Variants in ERBIN observed in about 807,000 individuals in gnomAD.
ERBIN encodes the protein densin-180-like protein.
In ERBIN, 60 loss-of-function variants were observed where a neutral mutation model predicts 158.4. The observed-to-expected ratio is 0.38, with a 90% CI of 0.31 to 0.47. ERBIN has a LOEUF of 0.47. Ranked by LOEUF, ERBIN falls within the 20% of genes least tolerant of loss-of-function variation. The pLI, the probability that ERBIN is intolerant of heterozygous loss-of-function variation, is 0.99. For synonymous variants in ERBIN, 594 were observed against 557.2 expected, an observed-to-expected ratio of 1.07 and a Z score of -0.93; for missense variants, 1,610 against 1,648.0, an observed-to-expected ratio of 0.98 and a Z score of 0.40.
At position 65,950,737 on chromosome 5, in the gene ERBIN, T is replaced by G. The variant is rs922669050; in HGVS notation, c.-58+23931T>G. On this transcript the variant is annotated intron_variant, in intron 1 of 25. Coordinates refer to ENST00000284037, the MANE Select transcript of ERBIN (RefSeq NM_001253697.2). Reference sequence around the variant, plus strand: ...CATATAGATATTTTCGGGGAGATACTTTGATACTATTTCTCCTTAAAGGTT... The same window carrying G: ...CATATAGATATTTTCGGGGAGATACGTTGATACTATTTCTCCTTAAAGGTT... Among the ~76,000 whole-genome samples, 125 of 152,300 alleles carry G rather than the reference T, an allele frequency of 8.2e-4. 1 individual carries two copies. Among genetic ancestry groups the G allele is most frequent in the Middle Eastern group, 3.4e-3 (1 of 294 alleles).
intron 4 of ERBIN, among the ~76,000 whole-genome samples, chr5:65,996,794 A>G (rs554153311): frequency 1.7e-4 from 26 of 151,884 alleles, no homozygotes; most frequent in African/African-American, 5.5e-4. Context: ...TGCTGCTTCA[A>G]TTTTTTTCAT....
chr5:66,070,777 AT>A (rs796999593), intron 21 of ERBIN, among the ~76,000 whole-genome samples: 17 of 152,366 alleles, frequency 1.1e-4, no homozygotes, highest in African/African-American at 3.8e-4. Flanking sequence ...CTAACTGCAC[AT>A]GATAGATGTG....
intron 21 of ERBIN, among the ~76,000 whole-genome samples, chr5:66,056,578 A>G (rs1759603129): frequency 6.6e-6 from 1 of 152,054 alleles, no homozygotes; most frequent in Admixed American, 6.6e-5. Context: ...ACATATTTTG[A>G]AATTCACGGT....
At chr5:66,047,303 C>T (rs577130512) in intron 18 of ERBIN, among the ~76,000 whole-genome samples, 27 of 152,196 alleles carry the variant, frequency 1.8e-4, no homozygotes, top group Admixed American at 3.3e-4. Context: ...CATATATCAA[C>T]ACAGCATCCA....
chr5:65,999,493 C>T (rs1752805252), intron 4 of ERBIN, among the ~76,000 whole-genome samples: 1 of 152,222 alleles, frequency 6.6e-6, no homozygotes, highest in African/African-American at 2.4e-5. Context: ...ATAACCACAA[C>T]ATCATTATCA....
chr5:65,997,514 AG>A (rs751086263), intron 4 of ERBIN, among the ~76,000 whole-genome samples: 23 of 152,232 alleles, frequency 1.5e-4, no homozygotes, highest in Non-Finnish European at 2.6e-4. Context: ...AGAAGGAGAG[AG>A]AAATCAGCCC....
Position 66,053,860 on chromosome 5 carries a change from G to A in ERBIN, c.2542G>A (p.Gly848Ser). 6.2e-7 allele frequency: 1 copy of A among 1,614,078 alleles called. No individual in the cohort carries two copies. Among genetic ancestry groups the A allele is most frequent in the Non-Finnish European group, 8.5e-7 (1 of 1,180,018 alleles). ...TGACAGTGATTGTTCTGTTGACTTAGGTATTTCCAAAAGCACTGAAGATCT... is the reference window on the plus strand; with the variant it reads ...TGACAGTGATTGTTCTGTTGACTTAAGTATTTCCAAAAGCACTGAAGATCT... ...PHDSDCSVDLGISKSTEDLSP... is the reference protein window; with the variant it reads ...PHDSDCSVDLSISKSTEDLSP... Residue 848 changes from glycine to serine, a missense_variant, in exon 21 of 26, where the codon GGT (glycine) becomes AGT (serine). Physicochemically the swap from Gly to Ser is moderately conservative, Grantham distance 56. This residue lies in a region of ERBIN where 1,014 missense variants were observed against 936.1 expected (regional missense o/e 1.08). Transcript: ENST00000284037.
intron 1 of ERBIN, among the ~76,000 whole-genome samples, chr5:65,957,261 C>T (rs1037098206): frequency 1.3e-4 from 20 of 150,386 alleles, no homozygotes; most frequent in African/African-American, 4.4e-4. Context: ...GGGTGTTTCT[C>T]GCAGAGGGGG....
At chr5:65,962,629 T>C (rs1300093733) in intron 1 of ERBIN, among the ~76,000 whole-genome samples, 1 of 152,184 alleles carries the variant, frequency 6.6e-6, no homozygotes, top group African/African-American at 2.4e-5. Flanking sequence ...TCTTAAATTA[T>C]TTTCCCCCTC....
intron 21 of ERBIN, among the ~76,000 whole-genome samples, chr5:66,056,699 A>T (rs569036263): frequency 6.6e-6 from 1 of 152,308 alleles, no homozygotes; most frequent in East Asian, 1.9e-4. Flanking sequence ...GAAAAGAAAC[A>T]GGGCAAACTG....
At chr5:65,995,191 G>A (rs991066012) in intron 4 of ERBIN, among the ~76,000 whole-genome samples, 1 of 151,972 alleles carries the variant, frequency 6.6e-6, no homozygotes, top group African/African-American at 2.4e-5. Flanking sequence ...TTTTAATTGC[G>A]GTCATCATGT....
rs1749373634 is a variant in ERBIN, at chr5:65,972,460, C to G, written c.-57-16175C>G. Among the ~76,000 whole-genome samples, 3 of 151,216 alleles carry G rather than the reference C, an allele frequency of 2.0e-5. 1 individual carries two copies. Among genetic ancestry groups the G allele is most frequent in the African/African-American group, 7.4e-5 (3 of 40,594 alleles). On this transcript the variant is annotated intron_variant, in intron 1 of 25. Transcript: ENST00000284037. ...AAGTACTTTAGAGAGATGGGGAGTG[C>G]CATGTATGTGAATGAACTTGGCACT...
chr5:66,014,765 A>C (rs1454569368), intron 7 of ERBIN, 40 bp downstream of exon 7: 7 of 974,216 alleles, frequency 7.2e-6, no homozygotes, highest in Non-Finnish European at 1.0e-5. Context: ...TTAATTTATA[A>C]TTTTTAATGA....
chr5:65,993,436 G>A (rs1752093534), intron 3 of ERBIN, among the ~76,000 whole-genome samples: 1 of 152,084 alleles, frequency 6.6e-6, no homozygotes, highest in Non-Finnish European at 1.5e-5. Context: ...AAAGGAGAAA[G>A]TTGGTTTGTT....
chr5:65,993,018 T>G, intron 3 of ERBIN, 111 bp downstream of exon 3: 4 of 848,384 alleles, frequency 4.7e-6, no homozygotes, highest in Non-Finnish European at 5.1e-6. Flanking sequence ...GTTGAATTTT[T>G]TGGTTTAATT....
At chr5:66,015,888 G>C (rs1754661601) in intron 7 of ERBIN, among the ~76,000 whole-genome samples, 1 of 152,122 alleles carries the variant, frequency 6.6e-6, no homozygotes, top group South Asian at 2.1e-4. Context: ...AACATCTCCA[G>C]TTACCCCAGG....
chr5:65,928,370 T>TA (rs1465280199), intron 1 of ERBIN, among the ~76,000 whole-genome samples: 2 of 152,212 alleles, frequency 1.3e-5, no homozygotes, highest in African/African-American at 2.4e-5. Flanking sequence ...AACGTATCAT[T>TA]AGGCTGCAAA....
chr5:66,022,723 A>G (rs1450155898), intron 8 of ERBIN: 1 of 152,314 alleles, frequency 6.6e-6, no homozygotes, highest in African/African-American at 2.4e-5. Flanking sequence ...ATTTTCTACC[A>G]TGTAATTAGA....
At chr5:65,961,072 T>A (rs1747854488) in intron 1 of ERBIN, 1 of 152,244 alleles carries the variant, frequency 6.6e-6, no homozygotes, top group African/African-American at 2.4e-5. Context: ...TTTTAAACAT[T>A]TGATTAAAAA....
Sources: allele counts gnomAD v4.1 joint callset (sites outside exome capture counted in the v4.1 genomes callset), GRCh38; gene constraint gnomAD v4.1.1; regional missense constraint gnomAD v4.1.1; transcripts MANE v1.5; gene names NCBI Gene and HGNC (gene_info 2026-07-23, HGNC 2026-07-21).